ACOT7: variants seen among roughly 807,000 people sequenced by gnomAD.
ACOT7 encodes the protein acyl-CoA thioesterase 7, also known as cytosolic acyl coenzyme A thioester hydrolase.
A neutral mutation model predicts 40.2 loss-of-function variants in ACOT7; 12 were observed. That is an observed-to-expected ratio of 0.30 (90% confidence interval 0.19 to 0.48). The LOEUF (loss-of-function observed/expected upper bound fraction) is 0.48. ACOT7 is among the 20% of genes least tolerant of loss of function. The pLI is 0.99. For missense variants in ACOT7, 395 were observed against 530.8 expected, an observed-to-expected ratio of 0.74 and a Z score of 2.51; for synonymous variants, 228 against 219.5, an observed-to-expected ratio of 1.04 and a Z score of -0.34.
chr1:6,273,680 A>T (rs561781910), intron 8 of ACOT7, among the ~76,000 whole-genome samples: 1 of 152,388 alleles, frequency 6.6e-6, no homozygotes, highest in Admixed American at 6.5e-5. Context: ...CAATTAAAAA[A>T]TTATTCCAAA....
intron 1 of ACOT7, among the ~76,000 whole-genome samples, chr1:6,375,225 T>C (rs1420200588): frequency 2.1e-5 from 3 of 141,876 alleles, no homozygotes; most frequent in East Asian, 4.1e-4. Flanking sequence ...ATCGCGCCAC[T>C]GCACTCCAGC....
At chr1:6,362,029 T>TA in intron 1 of ACOT7, among the ~76,000 whole-genome samples, 1 of 152,310 alleles carries the variant, frequency 6.6e-6, no homozygotes, top group African/African-American at 2.4e-5. Flanking sequence ...ACTGGCTCAG[T>TA]AGGCTGTGAG....
At chr1:6,277,504 A>G (rs1380114304) in intron 8 of ACOT7, among the ~76,000 whole-genome samples, 1 of 152,150 alleles carries the variant, frequency 6.6e-6, no homozygotes, top group Admixed American at 6.5e-5. Flanking sequence ...CGTGAGCCCC[A>G]TAGACTCCCA....
intron 1 of ACOT7, among the ~76,000 whole-genome samples, chr1:6,377,482 G>C (rs6675376): frequency 0.34 from 52,053 of 152,120 alleles, 12,995 homozygotes; most frequent in African/African-American, 0.71. Flanking sequence ...AAGAATCTTA[G>C]TAGAATCTTA....
chr1:6,310,408 C>T (rs547685837), intron 6 of ACOT7, among the ~76,000 whole-genome samples: 73 of 152,316 alleles, frequency 4.8e-4, no homozygotes, highest in African/African-American at 1.7e-3. Flanking sequence ...GCCACCCTGG[C>T]GCCCACCAGC....
intron 8 of ACOT7, among the ~76,000 whole-genome samples, 153 bp from the exon 9 acceptor site, chr1:6,264,848 T>C (rs555617854): frequency 3.3e-5 from 5 of 151,706 alleles, no homozygotes; most frequent in Non-Finnish European, 7.4e-5. Flanking sequence ...GCTGGCCTCC[T>C]GGGACTGCCG....
chr1:6,308,244 ACAACCAGGCAGAGGGAACCG>A (rs1377173340), intron 6 of ACOT7, among the ~76,000 whole-genome samples: 2 of 136,578 alleles, frequency 1.5e-5, no homozygotes, highest in African/African-American at 5.3e-5. Context: ...AGAGGGAACT[ACAACCAGGCAGAGGGAACCG>A]CAACAGGCAG....
At chr1:6,319,185 A>G (rs1250828626) in intron 5 of ACOT7, among the ~76,000 whole-genome samples, 1 of 152,202 alleles carries the variant, frequency 6.6e-6, no homozygotes, top group Non-Finnish European at 1.5e-5. Flanking sequence ...TCCAGTCTCT[A>G]GAAGGTAGAC....
intron 6 of ACOT7, among the ~76,000 whole-genome samples, chr1:6,300,520 C>T (rs981074695): frequency 3.3e-5 from 5 of 151,056 alleles, no homozygotes; most frequent in South Asian, 4.2e-4. Context: ...TGCACAAGGC[C>T]GGCCCTCTCC....
In ACOT7 at chr1:6,306,440, C is replaced by T; in HGVS notation, c.713-11460G>A. On this transcript the variant is annotated intron_variant, in intron 6 of 8. Coordinates refer to ENST00000361521, the MANE Select transcript of ACOT7 (RefSeq NM_007274.4). The surrounding 1 kb of genome is among the most constrained non-coding windows in gnomAD (Gnocchi z 4.3). ...ACTGGAGTGATATGAACCCCACGCC[C>T]AGGCTTTCAGGGTTGACACCATCTC... 1 of 985,308 alleles carries T rather than the reference C, an allele frequency of 1.0e-6. No individual in the cohort carries two copies. Among genetic ancestry groups the T allele is most frequent in the Non-Finnish European group, 1.2e-6 (1 of 829,910 alleles). The allele number at this position is 985,308 out of a possible 1,614,324, so 61.0% of individuals were successfully genotyped here. A position where few individuals can be genotyped will look rare whatever the true frequency, so the allele number is the denominator to read the frequency against.
chr1:6,378,060 A>G lies in ACOT7; in HGVS notation c.143+15197T>C, dbSNP rs564356492. On this transcript the variant is annotated intron_variant, in intron 1 of 8. Transcript: ENST00000361521. ...ACTCCAGCCTGGGCGACAGAGCAAG[A>G]CTCGTCAAAACAAACAAACAAACAA... Among the ~76,000 whole-genome samples, 47 of 149,664 alleles carry G rather than the reference A, an allele frequency of 3.1e-4. No homozygotes were observed. In the South Asian group the frequency reaches 9.6e-3, roughly 31 times the overall value.
intron 6 of ACOT7, among the ~76,000 whole-genome samples, chr1:6,317,155 C>A (rs1571301969): frequency 6.6e-6 from 1 of 152,324 alleles, no homozygotes; most frequent in East Asian, 1.9e-4. Context: ...AACAGCTGCA[C>A]CCAGCCTTCA....
intron 1 of ACOT7, among the ~76,000 whole-genome samples, chr1:6,367,855 T>C (rs186598687): frequency 1.7e-4 from 26 of 152,332 alleles, no homozygotes; most frequent in Admixed American, 9.1e-4. Context: ...GTTCTTGCCC[T>C]GTGACCAGGA....
Position 6,356,684 on chromosome 1 carries a change from C to T in ACOT7, c.144-6818G>A, listed in dbSNP as rs183660860. ...CTGTAATCCCAGCACTTTGGGAGGC[C>T]GAGGCGGGCGGATCATGAGGTCAGG... On this transcript the variant is annotated intron_variant, in intron 1 of 8. Transcript: ENST00000361521. 4.6e-5 allele frequency among the ~76,000 whole-genome samples: 7 copies of T among 151,284 alleles called. No individual in the cohort carries two copies. The South Asian group carries it at 1.1e-3, about 23-fold the overall frequency.
rs1219676043 is a variant in ACOT7 at position 6,282,665 on chromosome 1, G to A, written c.830-1379C>T. ...CGGTTAGCAGGCCAGAGGCAAGAGCGGTTATTCCATGTTAAAAAGTATCAG... is the reference window on the plus strand; with the variant it reads ...CGGTTAGCAGGCCAGAGGCAAGAGCAGTTATTCCATGTTAAAAAGTATCAG... On this transcript the variant is annotated intron_variant, in intron 7 of 8. Transcript: ENST00000361521. This position sits in a 1 kb window ranked among gnomAD's most constrained non-coding sequence, Gnocchi z 4.5. 1.3e-4 allele frequency: 166 copies of A among 1,257,928 alleles called. No individual in the cohort carries two copies. The highest frequency in any genetic ancestry group is 1.7e-4 in the Non-Finnish European group (157 of 947,888). The allele number at this position is 1,257,928 out of a possible 1,614,324, so 77.9% of individuals were successfully genotyped here. A position where few individuals can be genotyped will look rare whatever the true frequency, so the allele number is the denominator to read the frequency against.
chr1:6,337,554 G>C (rs1038939534), intron 3 of ACOT7, among the ~76,000 whole-genome samples: 1 of 152,206 alleles, frequency 6.6e-6, no homozygotes, highest in African/African-American at 2.4e-5. Flanking sequence ...TCAGGATCTA[G>C]GGAGTTCCTC....
rs568370496 is a variant in ACOT7 at position 6,339,662 on chromosome 1, C to T, written c.262-73G>A. On this transcript the variant is annotated intron_variant, in intron 2 of 8. Coordinates refer to ENST00000361521, the MANE Select transcript of ACOT7 (RefSeq NM_007274.4). ...CGAGAGCCCCACCCAGGACATGCCC[C>T]CTGGAAACGGTCTTTGCCTTTGCTT... The T allele has an allele frequency of 4.9e-4, 767 of 1,554,500 alleles. 1 individual carries two copies. Among genetic ancestry groups the T allele is most frequent in the Non-Finnish European group, 6.3e-4 (722 of 1,146,618 alleles).
chr1:6,377,912 T>C (rs1209119830), intron 1 of ACOT7, among the ~76,000 whole-genome samples: 1 of 151,832 alleles, frequency 6.6e-6, no homozygotes, highest in African/African-American at 2.4e-5. Flanking sequence ...CTACTAAAAA[T>C]ACAAAAAATT....
At chr1:6,337,971 A>C (rs918157313) in intron 3 of ACOT7, among the ~76,000 whole-genome samples, 1 of 147,066 alleles carries the variant, frequency 6.8e-6, no homozygotes, top group Non-Finnish European at 1.5e-5. Flanking sequence ...ACTGCACTCC[A>C]GACTGGGCAA....
Sources: gnomAD v4.1 joint callset for allele counts (sites outside exome capture counted in the v4.1 genomes callset) on GRCh38, gnomAD v4.1.1 for gene constraint, Gnocchi (gnomAD v3.1) non-coding constraint, MANE v1.5 for transcripts, NCBI Gene and HGNC (gene_info 2026-07-23, HGNC 2026-07-21) for gene names.